The following EIF3H variants were observed in gnomAD, a reference collection of about 807,000 sequenced individuals.
EIF3H encodes eukaryotic translation initiation factor 3 subunit H.
A neutral mutation model predicts 44.2 loss-of-function variants in EIF3H; 26 were observed. The observed-to-expected ratio is 0.59, with a 90% CI of 0.43 to 0.82. EIF3H has a LOEUF of 0.82. Among genes scored for constraint, EIF3H ranks in the 40% least tolerant of loss-of-function variants. EIF3H has a pLI of 0.00. For synonymous variants in EIF3H, 166 were observed against 151.9 expected, an observed-to-expected ratio of 1.09 and a Z score of -0.68; for missense variants, 359 against 432.8, an observed-to-expected ratio of 0.83 and a Z score of 1.51.
At chr8:116,749,004 T>C (rs952556112) in intron 1 of EIF3H, among the ~76,000 whole-genome samples, 11 of 152,318 alleles carry the variant, frequency 7.2e-5, no homozygotes, top group East Asian at 1.9e-4. Context: ...TCCAAAGATA[T>C]AGAGAGCTGA....
chr8:116,695,185 A>C (rs898918470), intron 2 of EIF3H, among the ~76,000 whole-genome samples: 1 of 150,716 alleles, frequency 6.6e-6, no homozygotes, highest in Non-Finnish European at 1.5e-5. Context: ...CTCGTGCCTC[A>C]GCCACCCAAG....
intron 2 of EIF3H, chr8:116,697,383 T>G: frequency 2.8e-6 from 1 of 362,168 alleles, no homozygotes; most frequent in South Asian, 2.1e-5. Flanking sequence ...TGCTGGTCAG[T>G]GTCAGGTGCT....
At chr8:116,733,357 T>C (rs1270170261) in intron 1 of EIF3H, among the ~76,000 whole-genome samples, 2 of 152,188 alleles carry the variant, frequency 1.3e-5, no homozygotes, top group Non-Finnish European at 2.9e-5. Flanking sequence ...ACCTACCCTC[T>C]TTCCCAGAGG....
chr8:116,728,017 A>T (rs1304483385), intron 1 of EIF3H, among the ~76,000 whole-genome samples: 1 of 152,228 alleles, frequency 6.6e-6, no homozygotes, highest in East Asian at 1.9e-4. Context: ...TTTAAGCTGG[A>T]AAGTCACTGA....
intron 1 of EIF3H, 37 bp downstream of exon 1, chr8:116,755,629 T>C: frequency 6.2e-7 from 1 of 1,612,534 alleles, no homozygotes; most frequent in Admixed American, 1.7e-5. Flanking sequence ...GGAACTGCGC[T>C]CCCCACGTGG....
chr8:116,759,329 C>T (rs1201870449), upstream of EIF3H, among the ~76,000 whole-genome samples: 2 of 152,166 alleles, frequency 1.3e-5, no homozygotes, highest in African/African-American at 2.4e-5. Flanking sequence ...GTGATTACTG[C>T]CTGGGGACAG....
At chr8:116,694,007 G>A (rs746867091) in intron 2 of EIF3H, among the ~76,000 whole-genome samples, 9 of 152,094 alleles carry the variant, frequency 5.9e-5, no homozygotes, top group East Asian at 1.9e-4. Flanking sequence ...ACTGGTGAGC[G>A]TTAAGATTTT....
chr8:116,716,169 T>C (rs201827622), intron 2 of EIF3H, among the ~76,000 whole-genome samples: 48 of 152,218 alleles, frequency 3.2e-4, no homozygotes, highest in Non-Finnish European at 4.4e-4. Context: ...TCGTTGTTTC[T>C]AGTACTCAAG....
upstream of EIF3H, among the ~76,000 whole-genome samples, chr8:116,758,755 T>C (rs1450076749): frequency 6.6e-6 from 1 of 152,164 alleles, no homozygotes; most frequent in Admixed American, 6.6e-5. Context: ...ATACTTCTAA[T>C]AATATTAATC....
At chr8:116,651,579 G>A (rs1813394636) in intron 5 of EIF3H, among the ~76,000 whole-genome samples, 1 of 152,062 alleles carries the variant, frequency 6.6e-6, no homozygotes, top group Non-Finnish European at 1.5e-5. Context: ...GATAACCTTG[G>A]TCCAGTAACA....
chr8:116,697,715 T>C (rs1207236614), intron 2 of EIF3H, among the ~76,000 whole-genome samples: 1 of 152,220 alleles, frequency 6.6e-6, no homozygotes, highest in African/African-American at 2.4e-5. Context: ...TCTTATTAAA[T>C]ATTATTCTCT....
At position 116,646,453 on chromosome 8, in the gene EIF3H, T is replaced by C. The variant is rs746872682; in HGVS notation, c.961+18A>G. On this transcript the variant is annotated intron_variant, in intron 7 of 7. Transcript: ENST00000521861. ...GAAACGAACAAAACCAGCCAGGTTT[T>C]GCACTGGGCAACAATACCTGCAATG... The C allele has an allele frequency of 1.2e-6, 2 of 1,614,110 alleles. No homozygotes were observed. The highest frequency in any genetic ancestry group is 2.2e-5 in the East Asian group (1 of 44,868).
At chr8:116,687,996 T>C (rs112779163) in intron 2 of EIF3H, among the ~76,000 whole-genome samples, 1 of 152,114 alleles carries the variant, frequency 6.6e-6, no homozygotes, top group Non-Finnish European at 1.5e-5. Context: ...AAAGTGTTAC[T>C]ACCAATGCAA....
chr8:116,758,018 A>G (rs182206814), upstream of EIF3H, among the ~76,000 whole-genome samples: 678 of 152,330 alleles, frequency 4.5e-3, 7 homozygotes, highest in African/African-American at 0.015. Flanking sequence ...CACCGCACCT[A>G]GCCAATATAA....
At chr8:116,676,917 AC>A (rs2130829151) in intron 2 of EIF3H, among the ~76,000 whole-genome samples, 1 of 151,904 alleles carries the variant, frequency 6.6e-6, no homozygotes, top group African/African-American at 2.4e-5. Flanking sequence ...GATGATTGGC[AC>A]CAGTGGGTGC....
rs199623419 is a variant in EIF3H at position 116,755,821 on chromosome 8, G to A, written c.-24C>T. ...ATCTTTCCAAGCAGACAGGAAGAAAGAGAAACGTGAGTTACCGGAAGCGGA... is the reference window on the plus strand; with the variant it reads ...ATCTTTCCAAGCAGACAGGAAGAAAAAGAAACGTGAGTTACCGGAAGCGGA... On this transcript the variant is annotated 5_prime_UTR_variant, in exon 1 of 8. Transcript: ENST00000521861. 98 of 1,610,642 alleles carry A rather than the reference G, an allele frequency of 6.1e-5. No individual in the cohort carries two copies. Among genetic ancestry groups the A allele is most frequent in the African/African-American group, 8.0e-5 (6 of 74,932 alleles).
chr8:116,746,851 T>C (rs1815246524), intron 1 of EIF3H, among the ~76,000 whole-genome samples: 1 of 152,060 alleles, frequency 6.6e-6, no homozygotes, highest in South Asian at 2.1e-4. Context: ...CCTGCATAAC[T>C]GGTTTTTCAC....
At chr8:116,664,568 G>A (rs971951824) in intron 2 of EIF3H, among the ~76,000 whole-genome samples, 1 of 152,108 alleles carries the variant, frequency 6.6e-6, no homozygotes, top group African/African-American at 2.4e-5. Context: ...GAGCCCTTGT[G>A]AAATACAATT....
chr8:116,671,843 C>T (rs970672987), intron 2 of EIF3H, among the ~76,000 whole-genome samples: 1 of 152,138 alleles, frequency 6.6e-6, no homozygotes, highest in Non-Finnish European at 1.5e-5. Context: ...AGTCAAAGGC[C>T]CAGCTTCATA....
Sources: gnomAD v4.1 joint callset for allele counts (sites outside exome capture counted in the v4.1 genomes callset) on GRCh38, gnomAD v4.1.1 for gene constraint, MANE v1.5 for transcripts, NCBI Gene and HGNC (gene_info 2026-07-23, HGNC 2026-07-21) for gene names.